NRXN3: variants seen among roughly 807,000 people sequenced by gnomAD.
NRXN3 encodes the protein neurexin III.
A neutral mutation model predicts 137.6 loss-of-function variants in NRXN3; 32 were observed. That is an observed-to-expected ratio of 0.23 (90% CI 0.18 to 0.31). NRXN3 has a LOEUF of 0.31. Among genes scored for constraint, NRXN3 ranks in the 10% least tolerant of loss-of-function variants. NRXN3 has a pLI of 1.00. For synonymous variants in NRXN3, 798 were observed against 784.5 expected, an observed-to-expected ratio of 1.02 and a Z score of -0.29; for missense variants, 1,574 against 2,062.5, an observed-to-expected ratio of 0.76 and a Z score of 4.59.
intron 15 of NRXN3, among the ~76,000 whole-genome samples, chr14:79,292,416 T>A (rs1444772953): frequency 6.6e-6 from 1 of 152,174 alleles, no homozygotes; most frequent in Non-Finnish European, 1.5e-5. Context: ...GTAATTACGA[T>A]AGGCTTTCTC....
intron 4 of NRXN3, among the ~76,000 whole-genome samples, chr14:78,510,042 A>T (rs1335683658): frequency 1.6e-5 from 1 of 63,912 alleles, no homozygotes; most frequent in Non-Finnish European, 4.0e-5. Context: ...ACAAAATTTT[A>T]TATATATATA....
intron 15 of NRXN3, among the ~76,000 whole-genome samples, chr14:79,064,010 T>C (rs1226975177): frequency 6.6e-6 from 1 of 152,208 alleles, no homozygotes. Flanking sequence ...TACATCACAG[T>C]GCAAGTGTGA....
intron 16 of NRXN3, among the ~76,000 whole-genome samples, chr14:79,468,058 G>A (rs1208806125): frequency 6.6e-6 from 1 of 152,166 alleles, no homozygotes; most frequent in Non-Finnish European, 1.5e-5. Context: ...AGAGTGGGCG[G>A]GGCAAAAGGG....
chr14:78,270,985 A>G (rs2072629772), intron 2 of NRXN3, among the ~76,000 whole-genome samples: 1 of 152,208 alleles, frequency 6.6e-6, no homozygotes, highest in East Asian at 1.9e-4. Flanking sequence ...TGTACCAGCA[A>G]CTTCAGCTAC....
intron 1 of NRXN3, among the ~76,000 whole-genome samples, chr14:78,198,008 A>G (rs1324553303): frequency 3.3e-5 from 5 of 152,328 alleles, no homozygotes; most frequent in Non-Finnish European, 5.9e-5. Flanking sequence ...AGAGATAAAT[A>G]TGATTCCGAA....
At chr14:79,602,312 T>C (rs1403340083) in intron 16 of NRXN3, among the ~76,000 whole-genome samples, 1 of 152,172 alleles carries the variant, frequency 6.6e-6, no homozygotes, top group Admixed American at 6.5e-5. Context: ...TATAAAGCTG[T>C]TTTATAGCTC....
At position 78,376,689 on chromosome 14, in the gene NRXN3, G is replaced by A. The variant is rs2087913360; in HGVS notation, c.757+78829G>A. Among the ~76,000 whole-genome samples the A allele has an allele frequency of 2.6e-5, 4 of 152,148 alleles. No homozygotes were observed. In the South Asian group the frequency reaches 8.3e-4, roughly 32 times the overall value. Reference sequence around the variant, plus strand: ...AATCTACACAGGCAAAAAAGCCCAAGAAAAGCCTGTTTTCTCTAGCCCCAA... The same window carrying A: ...AATCTACACAGGCAAAAAAGCCCAAAAAAAGCCTGTTTTCTCTAGCCCCAA... On this transcript the variant is annotated intron_variant, in intron 4 of 20. Coordinates refer to ENST00000335750, the MANE Select transcript of NRXN3 (RefSeq NM_001330195.2).
chr14:79,330,702 T>C (rs777374468), intron 15 of NRXN3, among the ~76,000 whole-genome samples: 1 of 152,078 alleles, frequency 6.6e-6, no homozygotes, highest in African/African-American at 2.4e-5. Context: ...GGAGAAAGCA[T>C]AGAGAAGAGA....
chr14:79,021,538 G>A (rs1211620571), intron 15 of NRXN3, among the ~76,000 whole-genome samples: 1 of 152,138 alleles, frequency 6.6e-6, no homozygotes, highest in African/African-American at 2.4e-5. Flanking sequence ...AGAGTGCCAG[G>A]CACTTCAGGG....
chr14:78,592,300 C>G (rs1016355642), intron 4 of NRXN3, among the ~76,000 whole-genome samples: 5 of 152,106 alleles, frequency 3.3e-5, no homozygotes, highest in African/African-American at 1.2e-4. Flanking sequence ...TGCAAAGTCT[C>G]TACTGAGACT....
chr14:79,147,649 C>T (rs2059418708), intron 15 of NRXN3, among the ~76,000 whole-genome samples: 1 of 152,054 alleles, frequency 6.6e-6, no homozygotes, highest in South Asian at 2.1e-4. Flanking sequence ...GTCCAGAAGC[C>T]TTCACAAGCA....
chr14:78,179,834 G>GTTTTTTTTTTTTTTTTTTTTTTTTTTTT (rs1325344906), intron 1 of NRXN3, among the ~76,000 whole-genome samples: 1 of 111,390 alleles, frequency 9.0e-6, no homozygotes. Flanking sequence ...GTTTGTTTCT[G>GTTTTTTTTTTTTTTTTTTTTTTTTTTTT]TTTTTTTGTT....
intron 4 of NRXN3, among the ~76,000 whole-genome samples, chr14:78,384,555 G>T (rs888942762): frequency 1.4e-4 from 21 of 152,098 alleles, no homozygotes; most frequent in African/African-American, 3.9e-4. Context: ...TTCATAAAAT[G>T]AAGTTTTATT....
chr14:79,116,776 A>C (rs1198494820), intron 15 of NRXN3, among the ~76,000 whole-genome samples: 1 of 152,190 alleles, frequency 6.6e-6, no homozygotes, highest in African/African-American at 2.4e-5. Flanking sequence ...TTCCACCCCA[A>C]CATCCTGTTG....
rs139596761 is a variant in NRXN3, at chr14:78,494,421, G to GT, written c.758-150695dup. Among the ~76,000 whole-genome samples the GT allele has an allele frequency of 3.1e-3, 417 of 132,464 alleles. 5 individuals are homozygous for GT. Among genetic ancestry groups the GT allele is most frequent in the African/African-American group, 0.01 (395 of 38,416 alleles). 86.9% of individuals were successfully genotyped at this position (132,464 alleles called of 152,430 possible). On this transcript the variant is annotated intron_variant, in intron 4 of 20. Transcript: ENST00000335750. ...GGCTTGAAAGAATCCTACCAGAGGTGTTTTGTTTTTTTTTTTGTCTGATTT... is the reference window on the plus strand; with the variant it reads ...GGCTTGAAAGAATCCTACCAGAGGTGTTTTTGTTTTTTTTTTTGTCTGATTT...
chr14:78,992,825 G>T (rs947519872), intron 15 of NRXN3, among the ~76,000 whole-genome samples: 32 of 152,180 alleles, frequency 2.1e-4, no homozygotes, highest in African/African-American at 7.5e-4. Flanking sequence ...CCCTGGAGAA[G>T]CACATATAGG....
chr14:78,327,153 T>C (rs1465101602), intron 4 of NRXN3, among the ~76,000 whole-genome samples: 4 of 152,212 alleles, frequency 2.6e-5, no homozygotes, highest in Non-Finnish European at 5.9e-5. Context: ...TTATTAGTTA[T>C]TGTTAATGGT....
intron 10 of NRXN3, among the ~76,000 whole-genome samples, chr14:78,860,204 G>A (rs549346096): frequency 1.3e-5 from 2 of 152,036 alleles, no homozygotes; most frequent in Non-Finnish European, 2.9e-5. Context: ...TATATGCATT[G>A]TTACATTTAA....
chr14:78,566,375 T>G (rs2152292662), intron 4 of NRXN3, among the ~76,000 whole-genome samples: 1 of 140,728 alleles, frequency 7.1e-6, no homozygotes, highest in Admixed American at 6.7e-5. Flanking sequence ...CAGACTAAAA[T>G]GTTGGTTTTT....
Sources: gnomAD v4.1 joint callset for allele counts (sites outside exome capture counted in the v4.1 genomes callset) on GRCh38, gnomAD v4.1.1 for gene constraint, MANE v1.5 for transcripts, NCBI Gene and HGNC (gene_info 2026-07-23, HGNC 2026-07-21) for gene names.